ZNF804B: variants seen among roughly 807,000 people sequenced by gnomAD.
ZNF804B encodes the protein zinc finger protein 804B.
ZNF804B carries 80 observed loss-of-function variants against 101.4 expected under a neutral mutation model. The observed-to-expected ratio is 0.79, with a 90% confidence interval of 0.66 to 0.95. The LOEUF (loss-of-function observed/expected upper bound fraction) is 0.95. Among genes scored for constraint, ZNF804B ranks in the 40% least tolerant of loss-of-function variants. ZNF804B has a pLI of 0.00. For missense variants in ZNF804B, 1,673 were observed against 1,561.9 expected (o/e 1.07, Z -1.20); for synonymous variants, 622 against 558.8 (o/e 1.11, Z -1.59).
chr7:88,768,162 T>A (rs1044843386), intron 1 of ZNF804B, among the ~76,000 whole-genome samples: 1 of 152,206 alleles, frequency 6.6e-6, no homozygotes, highest in African/African-American at 2.4e-5. Context: ...ATTCAGGACA[T>A]TCCCACTGAT....
At chr7:88,882,406 G>A (rs372007356) in intron 1 of ZNF804B, among the ~76,000 whole-genome samples, 8 of 152,182 alleles carry the variant, frequency 5.3e-5, no homozygotes, top group Non-Finnish European at 7.4e-5. Flanking sequence ...AAAAGGGGAC[G>A]CTTATACACT....
intron 1 of ZNF804B, among the ~76,000 whole-genome samples, chr7:88,883,389 A>T (rs187196128): frequency 6.6e-6 from 1 of 152,182 alleles, no homozygotes; most frequent in African/African-American, 2.4e-5. Flanking sequence ...ACTAGACTAG[A>T]TTTACCAGAC....
intron 1 of ZNF804B, among the ~76,000 whole-genome samples, chr7:88,901,816 G>A (rs1792395952): frequency 6.6e-6 from 1 of 151,752 alleles, no homozygotes; most frequent in East Asian, 1.9e-4. Flanking sequence ...TACTATTGTT[G>A]GAATAATTAT....
intron 1 of ZNF804B, among the ~76,000 whole-genome samples, chr7:88,847,300 A>G (rs1396367983): frequency 6.6e-6 from 1 of 151,786 alleles, no homozygotes; most frequent in East Asian, 1.9e-4. Flanking sequence ...TATTCCATCA[A>G]AAAAAATTTG....
At chr7:89,193,379 G>A (rs56184939) in intron 1 of ZNF804B, among the ~76,000 whole-genome samples, 45,423 of 150,018 alleles carry the variant, frequency 0.3, 7,202 homozygotes, top group African/African-American at 0.39. Context: ...AGTTACACAT[G>A]TATACATGTG....
At chr7:89,021,904 T>C (rs940269371) in intron 1 of ZNF804B, among the ~76,000 whole-genome samples, 16 of 152,146 alleles carry the variant, frequency 1.1e-4, no homozygotes, top group Non-Finnish European at 1.3e-4. Context: ...AATTCACACC[T>C]TGTTCTCCTA....
chr7:89,019,534 G>T (rs907508396), intron 1 of ZNF804B, among the ~76,000 whole-genome samples: 1 of 151,938 alleles, frequency 6.6e-6, no homozygotes, highest in Non-Finnish European at 1.5e-5. Context: ...TTTCTTTGTG[G>T]ATTTTCTGTA....
At chr7:88,955,011 A>C (rs745528663) in intron 1 of ZNF804B, among the ~76,000 whole-genome samples, 19 of 151,194 alleles carry the variant, frequency 1.3e-4, no homozygotes, top group Non-Finnish European at 2.4e-4. Flanking sequence ...TTATAATCCT[A>C]GCTCTTAGGG....
At chr7:89,120,093 G>T (rs560644102) in intron 1 of ZNF804B, among the ~76,000 whole-genome samples, 2 of 152,098 alleles carry the variant, frequency 1.3e-5, no homozygotes, top group East Asian at 3.9e-4. Context: ...ACTGTCAGGG[G>T]CACCTTTATC....
intron 1 of ZNF804B, among the ~76,000 whole-genome samples, chr7:88,823,264 G>T (rs998945794): frequency 2.0e-5 from 3 of 152,030 alleles, no homozygotes; most frequent in African/African-American, 7.2e-5. Flanking sequence ...AATACATTCA[G>T]TGAAGTCATA....
chr7:89,007,554 ATT>A (rs1788387282), intron 1 of ZNF804B, among the ~76,000 whole-genome samples: 1 of 54,298 alleles, frequency 1.8e-5, no homozygotes. Flanking sequence ...TATAATATAT[ATT>A]TATCTATTAT....
At chr7:89,253,969 A>G (rs1789583082) in intron 2 of ZNF804B, among the ~76,000 whole-genome samples, 1 of 152,154 alleles carries the variant, frequency 6.6e-6, no homozygotes, top group Admixed American at 6.5e-5. Flanking sequence ...AACCTTAGGA[A>G]ACTAAAAAAG....
chr7:88,781,742 A>AAC (rs34517584), intron 1 of ZNF804B, among the ~76,000 whole-genome samples: 20,784 of 152,154 alleles, frequency 0.14, 2,355 homozygotes, highest in East Asian at 0.33. Context: ...CTGAGATTTG[A>AAC]ACACAGATCC....
At chr7:89,021,861 G>A (rs555258202) in intron 1 of ZNF804B, among the ~76,000 whole-genome samples, 26 of 152,278 alleles carry the variant, frequency 1.7e-4, no homozygotes, top group African/African-American at 6.0e-4. Flanking sequence ...TGTTGCAGTG[G>A]CTTGGGACAC....
chr7:88,902,743 G>A (rs995946351), intron 1 of ZNF804B, among the ~76,000 whole-genome samples: 1 of 151,892 alleles, frequency 6.6e-6, no homozygotes, highest in Non-Finnish European at 1.5e-5. Flanking sequence ...ATAAATGAAA[G>A]TTTATTTAAA....
intron 1 of ZNF804B, among the ~76,000 whole-genome samples, chr7:88,994,433 T>C (rs1382038572): frequency 6.6e-6 from 1 of 152,052 alleles, no homozygotes; most frequent in Non-Finnish European, 1.5e-5. Context: ...TTTTCAGCTA[T>C]TTCATGACAC....
chr7:88,880,106 T>C (rs1008739057), intron 1 of ZNF804B, among the ~76,000 whole-genome samples: 1 of 151,956 alleles, frequency 6.6e-6, no homozygotes, highest in Non-Finnish European at 1.5e-5. Flanking sequence ...AAAGTTGTTC[T>C]GTGACAGTCT....
chr7:89,079,261 C>A (rs910370838), intron 1 of ZNF804B, among the ~76,000 whole-genome samples: 41 of 151,966 alleles, frequency 2.7e-4, no homozygotes, highest in African/African-American at 8.9e-4. Flanking sequence ...TTAAATATTA[C>A]ATGGTCATTT....
At chr7:89,038,506 G>T (rs570526781) in intron 1 of ZNF804B, among the ~76,000 whole-genome samples, 69 of 151,984 alleles carry the variant, frequency 4.5e-4, no homozygotes, top group African/African-American at 1.5e-3. Flanking sequence ...GTTTTTAGTT[G>T]GGTTATTTGT....
Sources: allele counts gnomAD v4.1 joint callset (sites outside exome capture counted in the v4.1 genomes callset), GRCh38; gene constraint gnomAD v4.1.1; transcripts MANE v1.5; gene names NCBI Gene and HGNC (gene_info 2026-07-23, HGNC 2026-07-21).